NEK6: variants seen among roughly 807,000 people sequenced by gnomAD.
NEK6 encodes the protein serine/threonine-protein kinase Nek6.
In NEK6, 27 loss-of-function variants were observed where a neutral mutation model predicts 43.5. The ratio of observed to expected loss-of-function variants is 0.62; its 90% confidence interval spans 0.46 to 0.86. NEK6 has a LOEUF of 0.86. Among genes scored for constraint, NEK6 ranks in the 40% least tolerant of loss-of-function variants. The probability of loss-of-function intolerance (pLI) is 0.00; values close to 1 mark genes in which losing one functional copy is unlikely to be tolerated. For synonymous variants in NEK6, 167 were observed against 164.1 expected (o/e 1.02, Z -0.14); for missense variants, 318 against 414.4 (o/e 0.77, Z 2.02).
intron 1 of NEK6, among the ~76,000 whole-genome samples, chr9:124,263,693 G>A (rs1831121223): frequency 6.6e-6 from 1 of 152,222 alleles, no homozygotes; most frequent in Non-Finnish European, 1.5e-5. Context: ...AAGGCCAGAA[G>A]CAGGTGCCGG....
chr9:124,276,730 T>C lies in NEK6; in HGVS notation c.-30+18645T>C, dbSNP rs539834374. Among the ~76,000 whole-genome samples, 21 of 152,374 alleles carry C rather than the reference T, an allele frequency of 1.4e-4. 1 individual carries two copies. In the South Asian group the frequency reaches 3.1e-3, roughly 23 times the overall value. ...ACAATAATTCCTCCTCCTATTGCTA[T>C]TGTGGCTCGTTCATCAGAGCACCCT... On this transcript the variant is annotated intron_variant, in intron 1 of 9. Transcript: ENST00000320246.
At chr9:124,291,558 G>A (rs1016183485) in intron 1 of NEK6, among the ~76,000 whole-genome samples, 1 of 152,176 alleles carries the variant, frequency 6.6e-6, no homozygotes, top group African/African-American at 2.4e-5. Context: ...CCTCGGAGGC[G>A]GAGGTTGCGG....
intron 1 of NEK6, chr9:124,262,761 A>G (rs2282085): frequency 0.32 from 48,058 of 152,198 alleles, 7,757 homozygotes; most frequent in South Asian, 0.36. Context: ...AGACATCTGC[A>G]TGGTGGTGAC....
intron 8 of NEK6, among the ~76,000 whole-genome samples, chr9:124,346,219 T>C (rs1829917795): frequency 6.6e-6 from 1 of 152,162 alleles, no homozygotes; most frequent in Admixed American, 6.5e-5. Context: ...CTCAGCAGCT[T>C]CCCCAAAGGC....
At chr9:124,333,336 C>T (rs1017391765) in intron 7 of NEK6, among the ~76,000 whole-genome samples, 3 of 152,222 alleles carry the variant, frequency 2.0e-5, no homozygotes, top group Non-Finnish European at 1.5e-5. Flanking sequence ...TAGCTTCCCA[C>T]AGCCCTAGCT....
Position 124,338,050 on chromosome 9 carries a change from G to A in NEK6, c.623-1521G>A, listed in dbSNP as rs143581617. The stretch of plus-strand genomic sequence containing the variant: ...GGCTGGAGTGCAGTGGCATGATCTC[G>A]GCTCACTGCAGCCTTCACCTCCTGG... On this transcript the variant is annotated intron_variant, in intron 7 of 9. Transcript: ENST00000320246. Among the ~76,000 whole-genome samples, 20 of 152,152 alleles carry A rather than the reference G, an allele frequency of 1.3e-4. No individual in the cohort carries two copies. In the East Asian group the frequency reaches 2.1e-3, roughly 16 times the overall value.
rs1834226766 is a variant in NEK6, at chr9:124,324,348, G to A, written c.406-1982G>A. Among the ~76,000 whole-genome samples, 1 of 152,214 alleles carries A rather than the reference G, an allele frequency of 6.6e-6. No individual in the cohort carries two copies. The highest frequency in any genetic ancestry group is 2.1e-4 in the South Asian group (1 of 4,828). On this transcript the variant is annotated intron_variant, in intron 5 of 9. Transcript: ENST00000320246. The surrounding 1 kb of genome is among the most constrained non-coding windows in gnomAD (Gnocchi z 5.3). ...GCCCCACTGGCCTCAGAGGCTGTCA[G>A]GCAGCAGGGATTGTGTCCCGAGAGC... is the stretch of plus-strand genomic sequence containing the variant.
chr9:124,272,583 G>A (rs540459869), intron 1 of NEK6, among the ~76,000 whole-genome samples: 3 of 152,332 alleles, frequency 2.0e-5, no homozygotes, highest in South Asian at 4.1e-4. Context: ...AGGCCTCATC[G>A]GGCTTTGCTT....
chr9:124,294,792 G>T (rs1310221595), intron 1 of NEK6, among the ~76,000 whole-genome samples: 1 of 152,212 alleles, frequency 6.6e-6, no homozygotes, highest in Admixed American at 6.5e-5. Context: ...GGAGAGATTG[G>T]CAGGTTCAGG....
intron 7 of NEK6, among the ~76,000 whole-genome samples, chr9:124,329,072 C>T (rs1025047948): frequency 8.5e-5 from 13 of 152,332 alleles, no homozygotes; most frequent in East Asian, 5.8e-4. Flanking sequence ...TTCCAGGAAA[C>T]GAGGGCCGGG....
At chr9:124,339,438 G>A (rs1350753919) in intron 7 of NEK6, 133 bp from the exon 8 acceptor site, 3 of 704,060 alleles carry the variant, frequency 4.3e-6, no homozygotes, top group Non-Finnish European at 7.8e-6. Context: ...GGCCCAGAGA[G>A]GGAGAAGGGC....
chr9:124,309,542 G>A (rs1489877493), intron 2 of NEK6, among the ~76,000 whole-genome samples: 1 of 152,194 alleles, frequency 6.6e-6, no homozygotes, highest in African/African-American at 2.4e-5. Context: ...ATCACCAGCA[G>A]TGCAGCTGGC....
intron 1 of NEK6, among the ~76,000 whole-genome samples, chr9:124,289,883 A>G (rs1451209786): frequency 1.3e-5 from 2 of 152,200 alleles, no homozygotes; most frequent in East Asian, 3.9e-4. Context: ...ATGCAGCCCT[A>G]TGGGAGTCTG....
chr9:124,314,167 G>A (rs1643908817), intron 4 of NEK6, among the ~76,000 whole-genome samples, 182 bp downstream of exon 4: 1 of 152,184 alleles, frequency 6.6e-6, no homozygotes, highest in African/African-American at 2.4e-5. Flanking sequence ...GGCAGGAGCG[G>A]CCCGCCTCAT....
chr9:124,327,556 C>CT (rs1029636711), intron 7 of NEK6, 111 bp downstream of exon 7: 61 of 822,790 alleles, frequency 7.4e-5, no homozygotes, highest in Admixed American at 2.9e-4. Context: ...AGGAAGATGC[C>CT]TTTTTTAAGC....
rs1432507089 is a variant in NEK6, at chr9:124,324,705, G to C, written c.406-1625G>C. The stretch of plus-strand genomic sequence containing the variant: ...TCACCTGAGAGGGCCTCCCAGAATT[G>C]TACCTCAGAACAGCCTCGAGGGGAT... On this transcript the variant is annotated intron_variant, in intron 5 of 9. Transcript: ENST00000320246. This position sits in a 1 kb window ranked among gnomAD's most constrained non-coding sequence, Gnocchi z 5.3. Among the ~76,000 whole-genome samples the C allele has an allele frequency of 6.6e-6, 1 of 152,136 alleles. No homozygotes were observed. Among genetic ancestry groups the C allele is most frequent in the Non-Finnish European group, 1.5e-5 (1 of 68,012 alleles).
Position 124,351,007 on chromosome 9 carries a change from C to A in NEK6, c.*60C>A. 8.1e-7 allele frequency: 1 copy of A among 1,230,964 alleles called. No individual in the cohort carries two copies. Among genetic ancestry groups the A allele is most frequent in the Non-Finnish European group, 1.2e-6 (1 of 853,338 alleles). 76.3% of individuals were successfully genotyped at this position (1,230,964 alleles called of 1,614,324 possible). On this transcript the variant is annotated 3_prime_UTR_variant, in exon 10 of 10. Coordinates refer to ENST00000320246, the MANE Select transcript of NEK6 (RefSeq NM_014397.6). Reference sequence around the variant, plus strand: ...CACTTTGCCTTACTTGAGTCGTCTTCTCTTCGAGTGGCCACCTGGTAGCCT... The same window carrying A: ...CACTTTGCCTTACTTGAGTCGTCTTATCTTCGAGTGGCCACCTGGTAGCCT...
chr9:124,257,697 A>G, upstream of NEK6: 1 of 1,533,782 alleles, frequency 6.5e-7, no homozygotes, highest in Non-Finnish European at 8.7e-7. Context: ...GCCGGAGAAG[A>G]TGGGGAGACG....
intron 7 of NEK6, among the ~76,000 whole-genome samples, chr9:124,332,831 G>C (rs1829078979): frequency 6.6e-6 from 1 of 152,178 alleles, no homozygotes; most frequent in South Asian, 2.1e-4. Context: ...GTTTGAAATC[G>C]GGAGTTCTAG....
Sources: allele counts gnomAD v4.1 joint callset (sites outside exome capture counted in the v4.1 genomes callset), GRCh38; gene constraint gnomAD v4.1.1; non-coding constraint Gnocchi (gnomAD v3.1); transcripts MANE v1.5; gene names NCBI Gene and HGNC (gene_info 2026-07-23, HGNC 2026-07-21).